Variants in ICE2 observed in about 807,000 individuals in gnomAD.
ICE2 encodes the protein interactor of little elongation complex ELL subunit 2, also known as little elongation complex subunit 2.
A neutral mutation model predicts 105.4 loss-of-function variants in ICE2; 87 were observed. The ratio of observed to expected loss-of-function variants is 0.83; its 90% CI spans 0.69 to 0.99. The LOEUF is 0.99. ICE2 is among the 50% of genes least tolerant of loss of function. The probability of loss-of-function intolerance (pLI) is 0.00; values close to 1 mark genes in which losing one functional copy is unlikely to be tolerated. For synonymous variants in ICE2, 399 were observed against 392.0 expected, an observed-to-expected ratio of 1.02 and a Z score of -0.21; for missense variants, 1,323 against 1,146.7, an observed-to-expected ratio of 1.15 and a Z score of -2.22.
chr15:60,471,783 G>GA (rs775010720), intron 3 of ICE2, among the ~76,000 whole-genome samples: 364 of 145,632 alleles, frequency 2.5e-3, no homozygotes, highest in Non-Finnish European at 3.5e-3. Context: ...AGTTTCTATG[G>GA]AAAAACAAAA....
chr15:60,476,212 C>A, intron 2 of ICE2, 45 bp from the exon 3 acceptor site: 2 of 1,241,580 alleles, frequency 1.6e-6, no homozygotes, highest in South Asian at 2.5e-5. Context: ...TTCAAAATCT[C>A]ATGCTAGACT....
intron 10 of ICE2, among the ~76,000 whole-genome samples, chr15:60,448,436 A>G (rs536923718): frequency 6.6e-6 from 1 of 152,352 alleles, no homozygotes; most frequent in African/African-American, 2.4e-5. Context: ...TTTAAAAAGT[A>G]ATGTTATTCC....
chr15:60,454,111 A>G (rs559670220), intron 8 of ICE2, among the ~76,000 whole-genome samples: 2 of 152,324 alleles, frequency 1.3e-5, no homozygotes, highest in South Asian at 2.1e-4. Flanking sequence ...ACCACATAGA[A>G]TATATTACAT....
chr15:60,466,074 T>C (rs1398943854), intron 5 of ICE2, among the ~76,000 whole-genome samples: 1 of 152,098 alleles, frequency 6.6e-6, no homozygotes, highest in Non-Finnish European at 1.5e-5. Flanking sequence ...ATACTTTAAT[T>C]TTCTGGTAGG....
rs754483591 is a variant in ICE2, at chr15:60,479,108, G to C, written c.-198C>G. 8 of 430,574 alleles carry C rather than the reference G, an allele frequency of 1.9e-5. No homozygotes were observed. Among genetic ancestry groups the C allele is most frequent in the Non-Finnish European group, 3.8e-5 (8 of 207,822 alleles). The allele number at this position is 430,574 out of a possible 1,614,324, so 26.7% of individuals were successfully genotyped here. ...CGCCCAAAAAAGACCATATTTAAAG[G>C]ATGTGGCCGCGCCGACTCGGCCCTG... On this transcript the variant is annotated 5_prime_UTR_variant, in exon 1 of 16. In the 5' UTR this introduces an upstream ATG that the reference lacks. Transcript: ENST00000261520.
At chr15:60,475,164 G>A (rs1422156018) in intron 3 of ICE2, among the ~76,000 whole-genome samples, 1 of 152,134 alleles carries the variant, frequency 6.6e-6, no homozygotes, top group African/African-American at 2.4e-5. Flanking sequence ...CTCATTTGGT[G>A]TATTTATACA....
intron 14 of ICE2, 51 bp downstream of exon 14, chr15:60,431,883 T>G (rs1468547462): frequency 9.8e-7 from 1 of 1,021,046 alleles, no homozygotes; most frequent in African/African-American, 1.6e-5. Flanking sequence ...CTAAGAATTT[T>G]CATCTAAGAA....
At chr15:60,473,476 A>G (rs891321467) in intron 3 of ICE2, among the ~76,000 whole-genome samples, 2 of 152,030 alleles carry the variant, frequency 1.3e-5, no homozygotes, top group Admixed American at 6.6e-5. Flanking sequence ...GTATTTTTGT[A>G]GAGACAGGGT....
chr15:60,478,723 T>G, intron 1 of ICE2: 3 of 343,012 alleles, frequency 8.7e-6, no homozygotes, highest in Non-Finnish European at 1.8e-5. Context: ...CCACTTAATC[T>G]ACCTCTCACA....
chr15:60,419,979 C>T lies in ICE2; in HGVS notation c.*3655G>A, dbSNP rs1005720777. ...TACTAATCCTTCAGATGACTGCAGCCCTAGCCAAGAGCCTGACTGCAACTT... is the reference window on the plus strand; with the variant it reads ...TACTAATCCTTCAGATGACTGCAGCTCTAGCCAAGAGCCTGACTGCAACTT... On this transcript the variant is annotated 3_prime_UTR_variant, in exon 16 of 16. Coordinates refer to ENST00000261520, the MANE Select transcript of ICE2 (RefSeq NM_024611.6). The T allele has an allele frequency of 1.3e-5, 2 of 152,196 alleles. No homozygotes were observed. Among genetic ancestry groups the T allele is most frequent in the African/African-American group, 4.8e-5 (2 of 41,444 alleles). The allele number at this position is 152,196 out of a possible 1,614,324, so 9.4% of individuals were successfully genotyped here.
chr15:60,455,281 T>C, intron 7 of ICE2, 45 bp downstream of exon 7: 7 of 1,548,978 alleles, frequency 4.5e-6, no homozygotes, highest in Non-Finnish European at 6.2e-6. Context: ...TTTTGTGAGA[T>C]ATAAAAGATT....
At chr15:60,434,828 A>G (rs774661299) in intron 13 of ICE2, among the ~76,000 whole-genome samples, 10 of 152,214 alleles carry the variant, frequency 6.6e-5, no homozygotes, top group Non-Finnish European at 1.3e-4. Flanking sequence ...AGTATTCAAT[A>G]CCATAGTAGA....
chr15:60,452,955 G>A, intron 9 of ICE2: 1 of 985,398 alleles, frequency 1.0e-6, no homozygotes, highest in Non-Finnish European at 1.2e-6. Context: ...TATGGGTCAG[G>A]TGCAGTGGCT....
chr15:60,450,395 T>C (rs910117832), intron 9 of ICE2, among the ~76,000 whole-genome samples: 4 of 152,184 alleles, frequency 2.6e-5, no homozygotes, highest in African/African-American at 4.8e-5. Context: ...GGGGCAGAAA[T>C]TGACAGAAGG....
intron 14 of ICE2, among the ~76,000 whole-genome samples, chr15:60,429,548 A>G (rs1364468222): frequency 6.6e-6 from 1 of 152,216 alleles, no homozygotes; most frequent in East Asian, 1.9e-4. Flanking sequence ...ATATGAATAA[A>G]TATATTGTGC....
rs748505996 is a variant in ICE2 at position 60,423,808 on chromosome 15, A to C, written c.2821-46T>G. On this transcript the variant is annotated intron_variant, in intron 15 of 15. Coordinates refer to ENST00000261520, the MANE Select transcript of ICE2 (RefSeq NM_024611.6). ...CAGAATAGCTTAATGTATCTACAACATACCTATATACAGTCAACTCTGTAG... is the reference window on the plus strand; with the variant it reads ...CAGAATAGCTTAATGTATCTACAACCTACCTATATACAGTCAACTCTGTAG... 6 of 1,452,202 alleles carry C rather than the reference A, an allele frequency of 4.1e-6. No homozygotes were observed. In the Admixed American group the frequency reaches 1.6e-4, roughly 38 times the overall value. 90.0% of individuals were successfully genotyped at this position (1,452,202 alleles called of 1,614,324 possible).
chr15:60,420,001 A>G lies in ICE2; in HGVS notation c.*3633T>C, dbSNP rs1401058603. On this transcript the variant is annotated 3_prime_UTR_variant, in exon 16 of 16. Transcript: ENST00000261520. Reference sequence around the variant, plus strand: ...AGCCCTAGCCAAGAGCCTGACTGCAACTTCATGAGAGACCTGGACTTTTGA... The same window carrying G: ...AGCCCTAGCCAAGAGCCTGACTGCAGCTTCATGAGAGACCTGGACTTTTGA... 6.6e-6 allele frequency: 1 copy of G among 152,248 alleles called. No individual in the cohort carries two copies. The highest frequency in any genetic ancestry group is 1.9e-4 in the East Asian group (1 of 5,200). The allele number at this position is 152,248 out of a possible 1,614,324, so 9.4% of individuals were successfully genotyped here.
At chr15:60,431,006 G>A (rs1165920432) in intron 14 of ICE2, among the ~76,000 whole-genome samples, 2 of 151,914 alleles carry the variant, frequency 1.3e-5, no homozygotes, top group Admixed American at 1.3e-4. Flanking sequence ...TGAGTAGGTG[G>A]GATTACAGGT....
intron 4 of ICE2, among the ~76,000 whole-genome samples, chr15:60,467,645 A>T: frequency 6.6e-6 from 1 of 152,224 alleles, no homozygotes; most frequent in Non-Finnish European, 1.5e-5. Flanking sequence ...AAGCTTTGAA[A>T]ACATGCATAG....
Sources: gnomAD v4.1 joint callset for allele counts (sites outside exome capture counted in the v4.1 genomes callset) on GRCh38, gnomAD v4.1.1 for gene constraint, MANE v1.5 for transcripts, NCBI Gene and HGNC (gene_info 2026-07-23, HGNC 2026-07-21) for gene names.